KIF23: variants seen among roughly 807,000 people sequenced by gnomAD.
KIF23 encodes the protein kinesin family member 23.
KIF23 carries 30 observed loss-of-function variants against 137.5 expected under a neutral mutation model. The observed-to-expected ratio is 0.22, with a 90% confidence interval of 0.16 to 0.30. KIF23 has a LOEUF of 0.30. KIF23 is among the 10% of genes least tolerant of loss of function. The probability of loss-of-function intolerance (pLI) is 1.00; values close to 1 mark genes in which losing one functional copy is unlikely to be tolerated. For synonymous variants in KIF23, 367 were observed against 391.1 expected (o/e 0.94, Z 0.73); for missense variants, 920 against 1,194.3 (o/e 0.77, Z 3.38).
At chr15:69,419,082 A>T (rs2056988727) in intron 3 of KIF23, among the ~76,000 whole-genome samples, 1 of 152,196 alleles carries the variant, frequency 6.6e-6, no homozygotes, top group Non-Finnish European at 1.5e-5. Flanking sequence ...GCGCCATTGC[A>T]CTCCAGCTTG....
Position 69,416,057 on chromosome 15 carries a change from A to G in KIF23, c.75A>G (p.Pro25=). ...KKGSQTNLKD[P]VGVYCRVRPL... is the part of the protein sequence containing the mutation. ...GGTCCCAAACGAACCTTAAAGACCC[A>G]GTTGGGGTAAGGTATCCCTGTAAAT... The change falls in exon 2 of 24, where the codon CCA becomes CCG. Residue 25 remains proline, a synonymous_variant. Transcript: ENST00000679126. The G allele has an allele frequency of 6.4e-7, 1 of 1,570,892 alleles. No homozygotes were observed. The highest frequency in any genetic ancestry group is 1.2e-5 in the South Asian group (1 of 81,772).
chr15:69,446,786 C>A (rs1475683033), intron 22 of KIF23, 85 bp from the exon 23 acceptor site: 13 of 1,178,634 alleles, frequency 1.1e-5, no homozygotes, highest in Non-Finnish European at 1.5e-5. Context: ...TTGCATTTCA[C>A]CTAGGTGTGG....
chr15:69,447,366 A>G (rs1212722588), intron 23 of KIF23, among the ~76,000 whole-genome samples: 1 of 152,140 alleles, frequency 6.6e-6, no homozygotes, highest in African/African-American at 2.4e-5. Context: ...ATAACACTGA[A>G]TGAAAGAATT....
chr15:69,423,759 A>G (rs886200010), intron 7 of KIF23, among the ~76,000 whole-genome samples: 2 of 152,212 alleles, frequency 1.3e-5, no homozygotes, highest in Non-Finnish European at 2.9e-5. Flanking sequence ...AGTAATACTT[A>G]CATATCTTCT....
rs761855392 is a variant in KIF23, at chr15:69,421,734, C to T, written c.298C>T (p.Leu100Phe). ...TGTGGCTAATCCCTTGGTCAATGAC[C>T]TCATTCATGGCAAAAATGGTATGAT... ...DVVANPLVND[L>F]IHGKNGLLFT... is the part of the protein sequence containing the mutation. The change falls in exon 4 of 24, where the codon CTC becomes TTC. Residue 100 changes from leucine to phenylalanine, a missense_variant. Transcript: ENST00000679126. 2.5e-6 allele frequency: 4 copies of T among 1,612,032 alleles called. No homozygotes were observed. Among genetic ancestry groups the T allele is most frequent in the African/African-American group, 2.7e-5 (2 of 74,840 alleles).
Position 69,422,950 on chromosome 15 carries a change from G to A in KIF23, c.564-209G>A, listed in dbSNP as rs563521130. 1.0e-4 allele frequency: 40 copies of A among 392,506 alleles called. No individual in the cohort carries two copies. The South Asian group carries it at 1.1e-3, about 10-fold the overall frequency. The allele number at this position is 392,506 out of a possible 1,614,324, so 24.3% of individuals were successfully genotyped here. On this transcript the variant is annotated intron_variant, in intron 6 of 23. Transcript: ENST00000679126. Reference sequence around the variant, plus strand: ...CTAGTAGCTGGGATTAGAGGCACACGCCACCATGCCCGGCTAATTTGTATT... The same window carrying A: ...CTAGTAGCTGGGATTAGAGGCACACACCACCATGCCCGGCTAATTTGTATT...
chr15:69,437,772 TATC>T (rs1232667663), intron 15 of KIF23, among the ~76,000 whole-genome samples: 2 of 152,008 alleles, frequency 1.3e-5, no homozygotes, highest in Non-Finnish European at 2.9e-5. Flanking sequence ...CTATTTTTAT[TATC>T]ATTATTCATT....
intron 2 of KIF23, among the ~76,000 whole-genome samples, chr15:69,416,789 T>C (rs2140308633): frequency 1.3e-5 from 2 of 152,238 alleles, no homozygotes; most frequent in South Asian, 4.1e-4. Flanking sequence ...ACCCTGTCTC[T>C]ACTAAAATTA....
chr15:69,428,007 C>T (rs1229105092), intron 10 of KIF23, among the ~76,000 whole-genome samples: 10 of 152,140 alleles, frequency 6.6e-5, no homozygotes, highest in Admixed American at 6.5e-4. Context: ...GCCTGTAATC[C>T]CAGCACTTTG....
intron 22 of KIF23, chr15:69,446,626 A>G (rs1422353123): frequency 6.5e-6 from 4 of 615,820 alleles, no homozygotes; most frequent in South Asian, 2.0e-5. Flanking sequence ...TTAGCCACCA[A>G]CTCTCTTTGC....
At position 69,423,226 on chromosome 15, in the gene KIF23, G is replaced by T. The variant is rs1287516075; in HGVS notation, c.631G>T (p.Asp211Tyr). 3.8e-6 allele frequency: 6 copies of T among 1,597,498 alleles called. No homozygotes were observed. Among genetic ancestry groups the T allele is most frequent in the South Asian group, 1.1e-5 (1 of 90,028 alleles). Residue 211 changes from aspartate (D) to tyrosine (Y), a missense_variant, in exon 7 of 24, where the codon GAT becomes TAT. This residue lies in a region of KIF23 where 714 missense variants were observed against 866.2 expected (regional missense o/e 0.82). Transcript: ENST00000679126. ...AGAATTCTGCAAAGCAGAAGAGGTT[G>T]ATGAAGATAGTGTCTATGGTGTATT... ...VQEFCKAEEV[D>Y]EDSVYGVFVS...
At chr15:69,415,817 G>A (rs1019702846) in intron 1 of KIF23, among the ~76,000 whole-genome samples, 177 bp from the exon 2 acceptor site, 3 of 152,092 alleles carry the variant, frequency 2.0e-5, no homozygotes, top group African/African-American at 7.2e-5. Flanking sequence ...TTTGGATTAC[G>A]CATGCCACAA....
intron 15 of KIF23, 109 bp from the exon 16 acceptor site, chr15:69,438,139 C>A: frequency 1.1e-6 from 1 of 945,184 alleles, no homozygotes; most frequent in Non-Finnish European, 1.5e-6. Flanking sequence ...CTGATTCTCA[C>A]AGAGATTTGC....
chr15:69,436,106 T>G, intron 13 of KIF23, 32 bp from the exon 14 acceptor site: 1 of 1,596,922 alleles, frequency 6.3e-7, no homozygotes, highest in Non-Finnish European at 8.5e-7. Flanking sequence ...TATCCTTATT[T>G]TTTTTTAAAC....
At chr15:69,446,985 C>T in intron 23 of KIF23, 44 bp downstream of exon 23, 4 of 1,475,252 alleles carry the variant, frequency 2.7e-6, no homozygotes, top group Non-Finnish European at 3.8e-6. Context: ...TGCTTTTTTC[C>T]TCCTCTGGTC....
intron 19 of KIF23, among the ~76,000 whole-genome samples, chr15:69,442,504 G>C (rs2057645351): frequency 6.6e-6 from 1 of 152,172 alleles, no homozygotes; most frequent in Non-Finnish European, 1.5e-5. Flanking sequence ...ATAGATGAAT[G>C]TTCATTTATG....
chr15:69,422,318 C>T lies in KIF23; in HGVS notation c.454-8C>T, dbSNP rs759353061. 3.3e-6 allele frequency: 5 copies of T among 1,510,474 alleles called. No homozygotes were observed. The highest frequency in any genetic ancestry group is 1.2e-5 in the South Asian group (1 of 82,744). 93.6% of individuals were successfully genotyped at this position (1,510,474 alleles called of 1,614,324 possible). ...GGTGTGATTTTTTTTTTTTTGCCCC[C>T]ACTTCAGGTTTTCAAATCTAATGAT... On this transcript the variant is annotated splice_region_variant and splice_polypyrimidine_tract_variant and intron_variant, in intron 5 of 23. Coordinates refer to ENST00000679126, the MANE Select transcript of KIF23 (RefSeq NM_001367805.3).
intron 3 of KIF23, 26 bp from the exon 4 acceptor site, chr15:69,421,621 T>C (rs760912850): frequency 7.3e-7 from 1 of 1,368,412 alleles, no homozygotes. Flanking sequence ...GAATTCTATT[T>C]AGTGCATTTT....
chr15:69,438,933 A>G (rs193093115), intron 16 of KIF23, among the ~76,000 whole-genome samples: 2 of 152,104 alleles, frequency 1.3e-5, no homozygotes, highest in East Asian at 1.9e-4. Context: ...GCGAAACCCC[A>G]TATCTACAAA....
Sources: gnomAD v4.1 joint callset for allele counts (sites outside exome capture counted in the v4.1 genomes callset) on GRCh38, gnomAD v4.1.1 for gene constraint, gnomAD v4.1.1 regional missense constraint, MANE v1.5 for transcripts, NCBI Gene and HGNC (gene_info 2026-07-23, HGNC 2026-07-21) for gene names.